The following ROCK1 variants were observed in gnomAD, a reference collection of about 807,000 sequenced individuals.
ROCK1 encodes the protein rho-associated protein kinase 1.
In ROCK1, 36 loss-of-function variants were observed where a neutral mutation model predicts 196.8. That is an observed-to-expected ratio of 0.18 (90% CI 0.14 to 0.24). The LOEUF is 0.24. Ranked by LOEUF, ROCK1 falls within the 10% of genes least tolerant of loss-of-function variation. The probability of loss-of-function intolerance (pLI) is 1.00; values close to 1 mark genes in which losing one functional copy is unlikely to be tolerated. For missense variants in ROCK1, 920 were observed against 1,562.0 expected, an observed-to-expected ratio of 0.59 and a Z score of 6.93; for synonymous variants, 443 against 515.9, an observed-to-expected ratio of 0.86 and a Z score of 1.91.
rs2036117014 is a variant in ROCK1, at chr18:21,042,632, A to G, written c.753T>C (p.Gly251=). Reference sequence around the variant, plus strand: ...CACATTCTCTTCCATAATAACCATCACCACCTTGGGATTTTAATACTTCAG... The same window carrying G: ...CACATTCTCTTCCATAATAACCATCGCCACCTTGGGATTTTAATACTTCAG... ...ISPEVLKSQG[G]DGYYGRECDW... Residue 251 remains glycine (G), a synonymous_variant, in exon 7 of 33, where the codon GGT becomes GGC. Coordinates refer to ENST00000399799, the MANE Select transcript of ROCK1 (RefSeq NM_005406.3). 6.2e-7 allele frequency: 1 copy of G among 1,613,928 alleles called. No homozygotes were observed. The highest frequency in any genetic ancestry group is 1.3e-5 in the African/African-American group (1 of 75,024).
chr18:20,971,231 C>T (rs762833673), intron 22 of ROCK1, among the ~76,000 whole-genome samples: 2 of 151,648 alleles, frequency 1.3e-5, no homozygotes, highest in Middle Eastern at 3.4e-3. Context: ...GTAACTTCCA[C>T]CTCCTATTTT....
At chr18:20,960,376 T>C (rs1176326743) in intron 27 of ROCK1, among the ~76,000 whole-genome samples, 170 bp from the exon 28 acceptor site, 1 of 152,010 alleles carries the variant, frequency 6.6e-6, no homozygotes. Flanking sequence ...TTAATGGCCA[T>C]ACAAATATTG....
At chr18:21,014,597 G>A (rs1406502466) in intron 13 of ROCK1, among the ~76,000 whole-genome samples, 1 of 152,094 alleles carries the variant, frequency 6.6e-6, no homozygotes, top group Admixed American at 6.5e-5. Context: ...ATGCAAAAAA[G>A]GACTCCTTAA....
intron 18 of ROCK1, among the ~76,000 whole-genome samples, chr18:20,990,909 CGA>C (rs1211155166): frequency 6.6e-6 from 1 of 151,488 alleles, no homozygotes; most frequent in Non-Finnish European, 1.5e-5. Flanking sequence ...TACAGGCGTG[CGA>C]CACACACCTG....
chr18:20,967,154 A>C, intron 26 of ROCK1, 78 bp from the exon 27 acceptor site: 1 of 984,794 alleles, frequency 1.0e-6, no homozygotes, highest in Non-Finnish European at 1.5e-6. Context: ...ATGATAATTT[A>C]AATTGCTAAT....
chr18:21,003,115 G>A (rs968726055), intron 16 of ROCK1, among the ~76,000 whole-genome samples: 12 of 152,078 alleles, frequency 7.9e-5, no homozygotes, highest in African/African-American at 2.7e-4. Context: ...TACCGAAGTA[G>A]ATCACATCTC....
chr18:20,991,760 G>C (rs1212450186), intron 17 of ROCK1, among the ~76,000 whole-genome samples: 1 of 151,400 alleles, frequency 6.6e-6, no homozygotes, highest in African/African-American at 2.4e-5. Flanking sequence ...TTAGCCTCTG[G>C]AGTGGCTAGT....
intron 29 of ROCK1, among the ~76,000 whole-genome samples, chr18:20,956,788 G>C (rs1406376588): frequency 6.6e-6 from 1 of 151,954 alleles, no homozygotes; most frequent in East Asian, 1.9e-4. Flanking sequence ...TCTAACATAG[G>C]ATTCTTATTC....
intron 2 of ROCK1, among the ~76,000 whole-genome samples, chr18:21,057,608 G>A (rs1414727406): frequency 2.6e-5 from 4 of 152,142 alleles, no homozygotes; most frequent in African/African-American, 9.7e-5. Flanking sequence ...GATTGCTTGA[G>A]GTCAGGAGTT....
chr18:21,043,202 A>C (rs1009795977), intron 6 of ROCK1, among the ~76,000 whole-genome samples: 4 of 152,106 alleles, frequency 2.6e-5, no homozygotes, highest in African/African-American at 9.7e-5. Flanking sequence ...CTATTTAACT[A>C]TGTTTGAAAC....
At chr18:21,043,582 G>A (rs1476735383) in intron 6 of ROCK1, among the ~76,000 whole-genome samples, 1 of 146,692 alleles carries the variant, frequency 6.8e-6, no homozygotes, top group African/African-American at 2.5e-5. Context: ...TAATGTATAT[G>A]TATATACATA....
chr18:21,045,642 T>A lies in ROCK1; in HGVS notation c.415-175A>T, dbSNP rs536458907. ...TAAATGCCACAAAGACCCTTGTATA[T>A]GCAAAATGACTATAACATAATTATT... On this transcript the variant is annotated intron_variant, in intron 4 of 32. Coordinates refer to ENST00000399799, the MANE Select transcript of ROCK1 (RefSeq NM_005406.3). Among the ~76,000 whole-genome samples the A allele has an allele frequency of 2.6e-5, 4 of 152,294 alleles. No homozygotes were observed. In the South Asian group the frequency reaches 8.3e-4, roughly 32 times the overall value.
intron 16 of ROCK1, among the ~76,000 whole-genome samples, chr18:21,004,381 G>C (rs1334381157): frequency 6.6e-6 from 1 of 152,084 alleles, no homozygotes; most frequent in Non-Finnish European, 1.5e-5. Flanking sequence ...TAAGCATTGT[G>C]ATTTTTTTAA....
chr18:20,977,281 T>C (rs2035489439), intron 22 of ROCK1, among the ~76,000 whole-genome samples: 1 of 152,166 alleles, frequency 6.6e-6, no homozygotes, highest in Non-Finnish European at 1.5e-5. Context: ...GTCCCCACTT[T>C]TCAATATTTT....
rs1485156741 is a variant in ROCK1, at chr18:20,948,438, T to A, written c.*2946A>T. 2.6e-5 allele frequency: 4 copies of A among 151,484 alleles called. No individual in the cohort carries two copies. The highest frequency in any genetic ancestry group is 9.8e-5 in the African/African-American group (4 of 40,742). 9.4% of individuals were successfully genotyped at this position (151,484 alleles called of 1,614,324 possible). On this transcript the variant is annotated 3_prime_UTR_variant, in exon 33 of 33. Transcript: ENST00000399799. Reference sequence around the variant, plus strand: ...GTTAACTATGAATTACAAACTCAAGTAACTATGAGTTTGTCATTTAAGTTC... The same window carrying A: ...GTTAACTATGAATTACAAACTCAAGAAACTATGAGTTTGTCATTTAAGTTC...
chr18:20,952,952 G>A (rs1249010143), intron 32 of ROCK1, among the ~76,000 whole-genome samples: 2 of 152,036 alleles, frequency 1.3e-5, no homozygotes, highest in Non-Finnish European at 2.9e-5. Context: ...GGAGGGGAAC[G>A]TCACGCACCA....
chr18:21,039,521 T>C lies in ROCK1; in HGVS notation c.1002A>G (p.Arg334=). The change falls in exon 9 of 33, where the codon CGA becomes CGG. Residue 334 remains arginine (R), a synonymous_variant. Transcript: ENST00000399799. ...ACTGGTCATTTTTGAAGAAGAGATGTCGTTTGATTTCTTCTACACCATTTC... is the reference window on the plus strand; with the variant it reads ...ACTGGTCATTTTTGAAGAAGAGATGCCGTTTGATTTCTTCTACACCATTTC... ...LGRNGVEEIK[R]HLFFKNDQWA... is the part of the protein sequence containing the mutation. 6.2e-7 allele frequency: 1 copy of C among 1,613,940 alleles called. No individual in the cohort carries two copies. The highest frequency in any genetic ancestry group is 8.5e-7 in the Non-Finnish European group (1 of 1,179,942).
intron 16 of ROCK1, among the ~76,000 whole-genome samples, chr18:20,997,234 C>A (rs1404217537): frequency 2.0e-5 from 3 of 152,152 alleles, no homozygotes; most frequent in African/African-American, 7.2e-5. Flanking sequence ...AAGAAACACA[C>A]TTCATGTATA....
At chr18:21,093,544 G>T (rs2036588387) in intron 1 of ROCK1, among the ~76,000 whole-genome samples, 1 of 152,044 alleles carries the variant, frequency 6.6e-6, no homozygotes, top group Non-Finnish European at 1.5e-5. Context: ...GGAAAGAAAG[G>T]GTAGCATAAT....
Sources: allele counts gnomAD v4.1 joint callset (sites outside exome capture counted in the v4.1 genomes callset), GRCh38; gene constraint gnomAD v4.1.1; transcripts MANE v1.5; gene names NCBI Gene and HGNC (gene_info 2026-07-23, HGNC 2026-07-21).